The following LRRTM4 variants were observed in gnomAD, a reference collection of about 807,000 sequenced individuals.
LRRTM4 encodes leucine rich repeat transmembrane neuronal 4.
A neutral mutation model predicts 47.6 loss-of-function variants in LRRTM4; 25 were observed. The observed-to-expected ratio is 0.53, with a 90% confidence interval of 0.38 to 0.73. The LOEUF (loss-of-function observed/expected upper bound fraction) is 0.73, where lower values mean the gene tolerates loss of function less well. Among genes scored for constraint, LRRTM4 ranks in the 30% least tolerant of loss-of-function variants. The probability of loss-of-function intolerance (pLI) is 0.00; values close to 1 mark genes in which losing one functional copy is unlikely to be tolerated. For synonymous variants in LRRTM4, 311 were observed against 269.5 expected (o/e 1.15, Z -1.51); for missense variants, 638 against 713.4 (o/e 0.89, Z 1.20).
chr2:76,852,168 GGA>G (rs1473633249), intron 3 of LRRTM4, among the ~76,000 whole-genome samples: 2 of 152,062 alleles, frequency 1.3e-5, no homozygotes, highest in African/African-American at 4.8e-5. Flanking sequence ...CAATAAGAAA[GGA>G]GGAGTTGTAT....
chr2:77,297,482 A>C (rs1677005352), intron 3 of LRRTM4, among the ~76,000 whole-genome samples: 1 of 152,210 alleles, frequency 6.6e-6, no homozygotes, highest in Admixed American at 6.5e-5. Flanking sequence ...GAAAGACAGA[A>C]GTACACACAG....
intron 3 of LRRTM4, among the ~76,000 whole-genome samples, chr2:76,903,404 C>CG (rs1291020910): frequency 2.6e-5 from 4 of 151,638 alleles, no homozygotes; most frequent in Non-Finnish European, 1.5e-5. Context: ...GGTGTGGTGG[C>CG]GGGCGCCTGT....
chr2:77,175,439 A>G (rs1422358890), intron 3 of LRRTM4, among the ~76,000 whole-genome samples: 1 of 152,092 alleles, frequency 6.6e-6, no homozygotes, highest in Non-Finnish European at 1.5e-5. Context: ...GATAGAATCC[A>G]GGGCTCGTGG....
At chr2:76,895,166 T>A (rs1179123648) in intron 3 of LRRTM4, among the ~76,000 whole-genome samples, 1 of 152,026 alleles carries the variant, frequency 6.6e-6, no homozygotes, top group East Asian at 1.9e-4. Flanking sequence ...TATTTGTAAC[T>A]TATCTAATAT....
At chr2:76,800,576 T>C (rs1454699063) in intron 3 of LRRTM4, among the ~76,000 whole-genome samples, 1 of 144,736 alleles carries the variant, frequency 6.9e-6, no homozygotes, top group Non-Finnish European at 1.5e-5. Context: ...CCAAAAGCAA[T>C]GGCAACAAAA....
At chr2:76,931,490 G>A (rs1049755641) in intron 3 of LRRTM4, among the ~76,000 whole-genome samples, 2 of 152,088 alleles carry the variant, frequency 1.3e-5, no homozygotes, top group Non-Finnish European at 2.9e-5. Flanking sequence ...TGTGGGACAA[G>A]GTTCCCTGCT....
intron 3 of LRRTM4, among the ~76,000 whole-genome samples, chr2:77,185,124 T>A (rs1673464670): frequency 6.6e-6 from 1 of 152,134 alleles, no homozygotes; most frequent in Non-Finnish European, 1.5e-5. Flanking sequence ...TGGGAAGAGA[T>A]ATGTATTATC....
At chr2:77,037,704 C>T (rs574041895) in intron 3 of LRRTM4, among the ~76,000 whole-genome samples, 17 of 151,730 alleles carry the variant, frequency 1.1e-4, no homozygotes, top group African/African-American at 3.6e-4. Flanking sequence ...TCTATATACT[C>T]CCCATTAGAC....
chr2:76,947,339 T>G (rs1260327063), intron 3 of LRRTM4, among the ~76,000 whole-genome samples: 1 of 151,806 alleles, frequency 6.6e-6, no homozygotes, highest in South Asian at 2.1e-4. Context: ...AAAGCTAGAT[T>G]TGATAGGCTG....
intron 3 of LRRTM4, among the ~76,000 whole-genome samples, chr2:76,994,228 G>A (rs967272971): frequency 2.0e-5 from 3 of 151,664 alleles, no homozygotes; most frequent in Admixed American, 6.6e-5. Flanking sequence ...ATATACACAC[G>A]TAACAAACCT....
At chr2:77,414,217 CAACA>C (rs918542040) in intron 3 of LRRTM4, among the ~76,000 whole-genome samples, 9 of 151,792 alleles carry the variant, frequency 5.9e-5, no homozygotes, top group African/African-American at 1.9e-4. Flanking sequence ...TCCTTTCATT[CAACA>C]AACAGATATT....
chr2:77,318,314 CTT>C (rs1459958187), intron 3 of LRRTM4, among the ~76,000 whole-genome samples: 2 of 151,998 alleles, frequency 1.3e-5, no homozygotes, highest in Non-Finnish European at 2.9e-5. Context: ...CCCCAACACT[CTT>C]ATTTTTATTT....
chr2:76,849,808 C>G (rs1348262054), intron 3 of LRRTM4, among the ~76,000 whole-genome samples: 1 of 152,068 alleles, frequency 6.6e-6, no homozygotes, highest in African/African-American at 2.4e-5. Flanking sequence ...AGTAAGCAAT[C>G]TCTTAGAAGT....
intron 3 of LRRTM4, among the ~76,000 whole-genome samples, chr2:77,330,904 G>T (rs1299531377): frequency 6.6e-6 from 1 of 152,072 alleles, no homozygotes; most frequent in Non-Finnish European, 1.5e-5. Flanking sequence ...TATAGAAAAT[G>T]ATTAACTTGT....
At chr2:77,137,924 ACTAT>A (rs2103750969) in intron 3 of LRRTM4, among the ~76,000 whole-genome samples, 1 of 152,294 alleles carries the variant, frequency 6.6e-6, no homozygotes, top group South Asian at 2.1e-4. Context: ...GGAAGAGCTA[ACTAT>A]CCTAAATATA....
intron 3 of LRRTM4, among the ~76,000 whole-genome samples, chr2:77,265,904 A>C (rs1319872227): frequency 6.6e-6 from 1 of 152,216 alleles, no homozygotes; most frequent in Non-Finnish European, 1.5e-5. Flanking sequence ...AATAAATTTC[A>C]GATGACATAA....
chr2:76,971,544 G>T (rs142005345), intron 3 of LRRTM4, among the ~76,000 whole-genome samples: 26 of 152,104 alleles, frequency 1.7e-4, no homozygotes, highest in Non-Finnish European at 2.1e-4. Flanking sequence ...TAATGGCAGG[G>T]CTCCAGACTC....
chr2:76,965,608 TA>T (rs535928245), intron 3 of LRRTM4, among the ~76,000 whole-genome samples: 34 of 151,050 alleles, frequency 2.3e-4, no homozygotes, highest in South Asian at 1.7e-3. Context: ...GTTTACAGGT[TA>T]AAAAAAACAG....
intron 3 of LRRTM4, among the ~76,000 whole-genome samples, chr2:77,226,062 AATT>A (rs776811518): frequency 6.9e-4 from 104 of 151,696 alleles, no homozygotes; most frequent in Non-Finnish European, 1.0e-3. Context: ...TATATTTTAT[AATT>A]ATTATTGTTT....
Sources: allele counts gnomAD v4.1 joint callset (sites outside exome capture counted in the v4.1 genomes callset), GRCh38; gene constraint gnomAD v4.1.1; transcripts MANE v1.5; gene names NCBI Gene and HGNC (gene_info 2026-07-23, HGNC 2026-07-21).